The following GIPC2 variants were observed in gnomAD, a reference collection of about 807,000 sequenced individuals.
The protein encoded by GIPC2 is GIPC PDZ domain containing family member 2.
In GIPC2, 30 loss-of-function variants were observed where a neutral mutation model predicts 30.6. The ratio of observed to expected loss-of-function variants is 0.98; its 90% CI spans 0.73 to 1.33. GIPC2 has a LOEUF of 1.33. GIPC2 is among the 40% of genes most tolerant of loss of function. The pLI, the probability that GIPC2 is intolerant of heterozygous loss-of-function variation, is 0.00. For synonymous variants in GIPC2, 167 were observed against 150.0 expected, an observed-to-expected ratio of 1.11 and a Z score of -0.83; for missense variants, 414 against 390.3, an observed-to-expected ratio of 1.06 and a Z score of -0.51.
intron 2 of GIPC2, among the ~76,000 whole-genome samples, chr1:78,084,463 A>G (rs1661889248): frequency 6.6e-6 from 1 of 150,392 alleles, no homozygotes; most frequent in Non-Finnish European, 1.5e-5. Context: ...ATGAGCCGAG[A>G]TCATGTCACT....
At chr1:78,094,301 A>G (rs1473888250) in intron 2 of GIPC2, among the ~76,000 whole-genome samples, 1 of 152,266 alleles carries the variant, frequency 6.6e-6, no homozygotes, top group Non-Finnish European at 1.5e-5. Flanking sequence ...ATATTGTGCT[A>G]GGCACAGACA....
intron 2 of GIPC2, among the ~76,000 whole-genome samples, chr1:78,084,466 A>T (rs1000233105): frequency 3.3e-5 from 5 of 149,516 alleles, no homozygotes; most frequent in Non-Finnish European, 3.0e-5. Flanking sequence ...AGCCGAGATC[A>T]TGTCACTGCA....
At chr1:78,118,989 T>C (rs1489270269) in intron 3 of GIPC2, among the ~76,000 whole-genome samples, 1 of 152,122 alleles carries the variant, frequency 6.6e-6, no homozygotes, top group East Asian at 1.9e-4. Flanking sequence ...ATTTTTTTTT[T>C]GTTTCTTCTT....
intron 2 of GIPC2, among the ~76,000 whole-genome samples, chr1:78,091,251 A>G (rs1490574248): frequency 1.3e-5 from 2 of 152,224 alleles, no homozygotes; most frequent in Non-Finnish European, 2.9e-5. Context: ...ACTAAATGAG[A>G]TAACTATTTA....
At chr1:78,082,260 C>T (rs1661845067) in intron 2 of GIPC2, among the ~76,000 whole-genome samples, 1 of 152,148 alleles carries the variant, frequency 6.6e-6, no homozygotes, top group African/African-American at 2.4e-5. Flanking sequence ...CTTCTATTCA[C>T]TCGATTAAGA....
intron 1 of GIPC2, among the ~76,000 whole-genome samples, chr1:78,052,720 A>C (rs1401936830): frequency 6.6e-6 from 1 of 152,238 alleles, no homozygotes; most frequent in Non-Finnish European, 1.5e-5. Flanking sequence ...CTTAGAAACT[A>C]TGAAATTTGA....
chr1:78,097,060 G>A (rs1662150633), intron 3 of GIPC2, among the ~76,000 whole-genome samples: 2 of 152,146 alleles, frequency 1.3e-5, no homozygotes, highest in South Asian at 4.1e-4. Context: ...TAAAGACAAA[G>A]CTACTTTGTT....
chr1:78,113,726 C>G (rs1192893893), intron 3 of GIPC2, among the ~76,000 whole-genome samples: 3 of 152,120 alleles, frequency 2.0e-5, no homozygotes, highest in Non-Finnish European at 2.9e-5. Context: ...GCTCTGTTGC[C>G]CAGGCTGGTC....
At position 78,135,784 on chromosome 1, in the gene GIPC2, T is replaced by C. The variant is rs1331343430; in HGVS notation, c.*41T>C. 3 of 1,543,114 alleles carry C rather than the reference T, an allele frequency of 1.9e-6. No homozygotes were observed. The highest frequency in any genetic ancestry group is 2.6e-6 in the Non-Finnish European group (3 of 1,139,908). ...TCTGAAGAAACAACCCATCGTTCTTTTTTTTCTCTTTTTTAAAAAGTCCTA... is the reference window on the plus strand; with the variant it reads ...TCTGAAGAAACAACCCATCGTTCTTCTTTTTCTCTTTTTTAAAAAGTCCTA... On this transcript the variant is annotated 3_prime_UTR_variant, in exon 6 of 6. Transcript: ENST00000370759.
chr1:78,064,433 G>T (rs1408305649), intron 1 of GIPC2, among the ~76,000 whole-genome samples: 2 of 152,138 alleles, frequency 1.3e-5, no homozygotes, highest in African/African-American at 4.8e-5. Flanking sequence ...CAATCAAAGA[G>T]ACCCCTTGAT....
chr1:78,126,282 G>C (rs1379624847), intron 5 of GIPC2, among the ~76,000 whole-genome samples: 1 of 152,016 alleles, frequency 6.6e-6, no homozygotes, highest in Non-Finnish European at 1.5e-5. Context: ...CATATAAAAG[G>C]CATTATTATT....
At chr1:78,095,212 A>C in intron 3 of GIPC2, 80 bp downstream of exon 3, 1 of 914,790 alleles carries the variant, frequency 1.1e-6, no homozygotes, top group Non-Finnish European at 1.7e-6. Flanking sequence ...GAGTACTGTG[A>C]TATGGTGCTA....
intron 3 of GIPC2, among the ~76,000 whole-genome samples, chr1:78,108,552 T>C (rs555887188): frequency 1.3e-5 from 2 of 152,290 alleles, no homozygotes; most frequent in Admixed American, 1.3e-4. Flanking sequence ...GTGGCATCAG[T>C]ATATGCCTCC....
chr1:78,112,386 G>C, intron 3 of GIPC2: 1 of 518,060 alleles, frequency 1.9e-6, no homozygotes, highest in South Asian at 1.4e-5. Flanking sequence ...GACCTTCTCT[G>C]TGTCCATAGC....
At chr1:78,056,892 T>G (rs1661308379) in intron 1 of GIPC2, among the ~76,000 whole-genome samples, 1 of 152,228 alleles carries the variant, frequency 6.6e-6, no homozygotes, top group Non-Finnish European at 1.5e-5. Flanking sequence ...TTTTAATCTA[T>G]AGATTCCCCT....
At chr1:78,123,787 C>T (rs1662729294) in intron 4 of GIPC2, among the ~76,000 whole-genome samples, 1 of 152,172 alleles carries the variant, frequency 6.6e-6, no homozygotes, top group African/African-American at 2.4e-5. Context: ...TGACACTTGT[C>T]ACCGTAACTT....
At chr1:78,125,440 G>A (rs936924200) in intron 4 of GIPC2, among the ~76,000 whole-genome samples, 1 of 152,028 alleles carries the variant, frequency 6.6e-6, no homozygotes, top group Non-Finnish European at 1.5e-5. Flanking sequence ...CTCTCCCACC[G>A]TGGCCTTCCA....
chr1:78,132,610 G>T (rs1218193243), intron 5 of GIPC2, among the ~76,000 whole-genome samples: 1 of 149,150 alleles, frequency 6.7e-6, no homozygotes, highest in Non-Finnish European at 1.5e-5. Flanking sequence ...GCTTCCTGAG[G>T]TATAAAAAAA....
At chr1:78,075,566 G>T in intron 1 of GIPC2, among the ~76,000 whole-genome samples, 1 of 152,180 alleles carries the variant, frequency 6.6e-6, no homozygotes, top group East Asian at 1.9e-4. Flanking sequence ...CTTGGCATTG[G>T]TGTCTTTCTC....
Sources: allele counts gnomAD v4.1 joint callset (sites outside exome capture counted in the v4.1 genomes callset), GRCh38; gene constraint gnomAD v4.1.1; transcripts MANE v1.5; gene names NCBI Gene and HGNC (gene_info 2026-07-23, HGNC 2026-07-21).